Variants in AEBP2 observed in about 807,000 individuals in gnomAD.
The protein encoded by AEBP2 is zinc finger protein AEBP2.
AEBP2 carries 10 observed loss-of-function variants against 50.8 expected under a neutral mutation model. That is an observed-to-expected ratio of 0.20 (90% confidence interval 0.12 to 0.33). AEBP2 has a LOEUF of 0.33. Among genes scored for constraint, AEBP2 ranks in the 10% least tolerant of loss-of-function variants. The probability of loss-of-function intolerance (pLI) is 1.00; values close to 1 mark genes in which losing one functional copy is unlikely to be tolerated. For synonymous variants in AEBP2, 296 were observed against 261.3 expected, an observed-to-expected ratio of 1.13 and a Z score of -1.28; for missense variants, 570 against 688.0, an observed-to-expected ratio of 0.83 and a Z score of 1.92.
At chr12:19,450,987 G>GT (rs35893035) in intron 1 of AEBP2, among the ~76,000 whole-genome samples, 11 of 150,936 alleles carry the variant, frequency 7.3e-5, no homozygotes, top group Non-Finnish European at 1.2e-4. Context: ...TAGTATGACA[G>GT]TTTTTTTTTT....
intron 3 of AEBP2, among the ~76,000 whole-genome samples, chr12:19,482,233 G>A (rs1271334919): frequency 6.6e-6 from 1 of 152,144 alleles, no homozygotes; most frequent in Non-Finnish European, 1.5e-5. Flanking sequence ...GCTGGGGAAT[G>A]CCTACAAGGA....
intron 2 of AEBP2, among the ~76,000 whole-genome samples, chr12:19,464,974 A>AT (rs1246658792): frequency 1.3e-5 from 2 of 152,190 alleles, no homozygotes; most frequent in African/African-American, 4.8e-5. Flanking sequence ...AGAATTAGAC[A>AT]TGAAATGTTG....
Position 19,503,337 on chromosome 12 carries a change from GTGTGTGTGTA to G in AEBP2, c.1299+3126_1299+3135del, listed in dbSNP as rs1048809430. On this transcript the variant is annotated intron_variant, in intron 5 of 7. Coordinates refer to ENST00000266508, the MANE Select transcript of AEBP2 (RefSeq NM_153207.5). ...GTTAGATGTATTCCTTGGTGTGTGT[GTGTGTGTGTA>G]TGTGTGTGTGTGTGTTATGGTGAAT... Among the ~76,000 whole-genome samples, 158 of 151,912 alleles carry G rather than the reference GTGTGTGTGTA, an allele frequency of 1.0e-3. 1 individual carries two copies. Among genetic ancestry groups the G allele is most frequent in the African/African-American group, 3.7e-3 (152 of 41,440 alleles).
At chr12:19,469,671 A>G (rs545925477) in intron 2 of AEBP2, among the ~76,000 whole-genome samples, 4 of 152,206 alleles carry the variant, frequency 2.6e-5, no homozygotes, top group South Asian at 4.2e-4. Context: ...CTGGTTTGAA[A>G]TCTGTCTTCT....
intron 2 of AEBP2, among the ~76,000 whole-genome samples, chr12:19,465,761 C>T (rs1192996123): frequency 1.4e-5 from 2 of 147,530 alleles, no homozygotes; most frequent in East Asian, 2.0e-4. Flanking sequence ...TGATTTTGTG[C>T]TTTGAGATTG....
Position 19,493,922 on chromosome 12 carries a change from A to G in AEBP2, c.1110A>G (p.Glu370=). The G allele has an allele frequency of 6.2e-7, 1 of 1,613,582 alleles. No individual in the cohort carries two copies. Among genetic ancestry groups the G allele is most frequent in the South Asian group, 1.1e-5 (1 of 90,972 alleles). ...CTAGCCAGCCAAAGGCCAAAGAAGA[A>G]TCTCCTTCTAAAGCTGGAATGAACA... is the stretch of plus-strand genomic sequence containing the variant. ...KVSSQPKAKE[E]SPSKAGMNKR... The change falls in exon 4 of 8, where the codon GAA becomes GAG. Residue 370 remains glutamate (E), a synonymous_variant. Transcript: ENST00000266508.
intron 3 of AEBP2, among the ~76,000 whole-genome samples, chr12:19,486,095 G>A (rs1392821726): frequency 1.3e-5 from 2 of 151,886 alleles, no homozygotes; most frequent in African/African-American, 2.4e-5. Context: ...GAATATTTCA[G>A]TAAGACAAGA....
At chr12:19,406,660 A>G (rs1309745718) in intron 1 of AEBP2, among the ~76,000 whole-genome samples, 3 of 112,962 alleles carry the variant, frequency 2.7e-5, no homozygotes, top group Non-Finnish European at 5.3e-5. Flanking sequence ...CAGCCTGGGC[A>G]GCAAGAGCGA....
At chr12:19,516,395 G>T (rs553911187) in intron 7 of AEBP2, among the ~76,000 whole-genome samples, 9 of 151,840 alleles carry the variant, frequency 5.9e-5, no homozygotes, top group African/African-American at 2.2e-4. Flanking sequence ...CTCTCTTAGA[G>T]AGTTGTCAAA....
At chr12:19,412,555 G>C (rs1172765027) in intron 1 of AEBP2, among the ~76,000 whole-genome samples, 1 of 151,876 alleles carries the variant, frequency 6.6e-6, no homozygotes, top group African/African-American at 2.4e-5. Context: ...TGGGATTACA[G>C]GTGTGAGCCA....
At chr12:19,418,612 C>A (rs936751509) in intron 1 of AEBP2, among the ~76,000 whole-genome samples, 1 of 151,978 alleles carries the variant, frequency 6.6e-6, no homozygotes, top group Non-Finnish European at 1.5e-5. Flanking sequence ...CTGTAAGAAT[C>A]CCCCCACTTT....
intron 3 of AEBP2, among the ~76,000 whole-genome samples, chr12:19,489,417 C>T (rs1293727779): frequency 1.3e-5 from 2 of 152,144 alleles, no homozygotes; most frequent in South Asian, 2.1e-4. Context: ...AAACCGCCCC[C>T]GCCATGATCC....
chr12:19,470,686 A>G (rs1033240839), intron 2 of AEBP2, among the ~76,000 whole-genome samples: 4 of 152,138 alleles, frequency 2.6e-5, no homozygotes, highest in South Asian at 2.1e-4. Context: ...CATTATCTCT[A>G]TAGTCATGTT....
At chr12:19,488,577 G>T (rs528796082) in intron 3 of AEBP2, among the ~76,000 whole-genome samples, 1 of 152,052 alleles carries the variant, frequency 6.6e-6, no homozygotes, top group East Asian at 1.9e-4. Context: ...CCTTTAGATC[G>T]CCTCCTCATT....
At chr12:19,440,420 G>C (rs1290239773) in intron 1 of AEBP2, 50 bp downstream of exon 1, 1 of 1,451,270 alleles carries the variant, frequency 6.9e-7, no homozygotes, top group African/African-American at 1.4e-5. Context: ...TGAACTCCCG[G>C]GCCCCTCAGA....
chr12:19,434,423 T>G (rs2095753185), intron 1 of AEBP2, among the ~76,000 whole-genome samples: 1 of 152,240 alleles, frequency 6.6e-6, no homozygotes, highest in African/African-American at 2.4e-5. Context: ...TCCACTCGCC[T>G]TGGCCTCCCA....
intron 1 of AEBP2, among the ~76,000 whole-genome samples, chr12:19,424,756 C>A (rs1481737420): frequency 6.6e-6 from 1 of 151,962 alleles, no homozygotes; most frequent in African/African-American, 2.4e-5. Flanking sequence ...ACCTACAATC[C>A]CAGCACTTTG....
At chr12:19,457,637 T>G (rs1948294152) in intron 1 of AEBP2, 1 of 1,399,736 alleles carries the variant, frequency 7.1e-7, no homozygotes, top group Admixed American at 2.5e-5. Flanking sequence ...TATGAGTCTT[T>G]TCCTTTCCCA....
At position 19,518,810 on chromosome 12, in the gene AEBP2, T is replaced by C; in HGVS notation, c.*693T>C. The stretch of plus-strand genomic sequence containing the variant: ...TGTTGCAGTATGTCTGGTGGCTCCC[T>C]TTTCAGGACTAGGGCTTTCTCATGG... On this transcript the variant is annotated 3_prime_UTR_variant, in exon 8 of 8. Coordinates refer to ENST00000266508, the MANE Select transcript of AEBP2 (RefSeq NM_153207.5). The C allele has an allele frequency of 1.8e-6, 2 of 1,111,452 alleles. No homozygotes were observed. Among genetic ancestry groups the C allele is most frequent in the South Asian group, 2.0e-5 (1 of 49,376 alleles). The allele number at this position is 1,111,452 out of a possible 1,614,324, so 68.8% of individuals were successfully genotyped here.
Sources: allele counts gnomAD v4.1 joint callset (sites outside exome capture counted in the v4.1 genomes callset), GRCh38; gene constraint gnomAD v4.1.1; transcripts MANE v1.5; gene names NCBI Gene and HGNC (gene_info 2026-07-23, HGNC 2026-07-21).